NR5A2: variants seen among roughly 807,000 people sequenced by gnomAD.
The protein encoded by NR5A2 is nuclear receptor subfamily 5 group A member 2, also known as CYP7A promoter-binding factor.
NR5A2 carries 26 observed loss-of-function variants against 62.7 expected under a neutral mutation model. That is an observed-to-expected ratio of 0.41 (90% CI 0.30 to 0.58). NR5A2 has a LOEUF of 0.58. Ranked by LOEUF, NR5A2 falls within the 20% of genes least tolerant of loss-of-function variation. NR5A2 has a pLI of 0.22. For missense variants in NR5A2, 541 were observed against 669.1 expected (o/e 0.81, Z 2.11); for synonymous variants, 246 against 241.7 (o/e 1.02, Z -0.16).
At chr1:200,082,093 T>G (rs946824131) in intron 5 of NR5A2, among the ~76,000 whole-genome samples, 3 of 152,084 alleles carry the variant, frequency 2.0e-5, no homozygotes, top group Non-Finnish European at 4.4e-5. Context: ...CGTCCTCCCC[T>G]CCACACCAAC....
intron 7 of NR5A2, 85 bp from the exon 8 acceptor site, chr1:200,173,878 T>A (rs1266778865): frequency 2.3e-6 from 3 of 1,298,978 alleles, no homozygotes; most frequent in African/African-American, 3.0e-5. Flanking sequence ...GGAAAATACA[T>A]CCATTAATTG....
chr1:200,074,598 T>G (rs2821307), intron 5 of NR5A2, among the ~76,000 whole-genome samples: 78,312 of 150,476 alleles, frequency 0.52, 20,384 homozygotes, highest in African/African-American at 0.56. Flanking sequence ...TTAGCCAGGT[T>G]TGGTGGCGGG....
chr1:200,140,094 TTTAG>T (rs1367746900), intron 7 of NR5A2, among the ~76,000 whole-genome samples: 5 of 152,242 alleles, frequency 3.3e-5, no homozygotes, highest in East Asian at 3.8e-4. Context: ...TGATGTGATA[TTTAG>T]TTAATTTTAA....
At chr1:200,127,691 A>ATATATATATAT in intron 7 of NR5A2, among the ~76,000 whole-genome samples, 4 of 68,580 alleles carry the variant, frequency 5.8e-5, no homozygotes, top group Non-Finnish European at 1.3e-4. Context: ...AAAAAAAAAA[A>ATATATATATAT]AAAAAAAAAA....
intron 7 of NR5A2, among the ~76,000 whole-genome samples, chr1:200,159,819 A>AT (rs61146712): frequency 0.093 from 14,112 of 151,802 alleles, 738 homozygotes; most frequent in Non-Finnish European, 0.12. Context: ...CACCCGGCTA[A>AT]TTTTTGTATT....
intron 5 of NR5A2, among the ~76,000 whole-genome samples, chr1:200,102,476 G>A (rs760806896): frequency 1.3e-5 from 2 of 152,170 alleles, no homozygotes; most frequent in African/African-American, 2.4e-5. Flanking sequence ...TCTGCTGACA[G>A]CTATCATGTT....
At position 200,161,131 on chromosome 1, in the gene NR5A2, C is replaced by T. The variant is rs1005065803; in HGVS notation, c.1379-12832C>T. Among the ~76,000 whole-genome samples, 8 of 152,188 alleles carry T rather than the reference C, an allele frequency of 5.3e-5. No homozygotes were observed. In the East Asian group the frequency reaches 1.2e-3, roughly 22 times the overall value. On this transcript the variant is annotated intron_variant, in intron 7 of 7. Transcript: ENST00000367362. ...AGCCAAGGCAGCTGCAATTGTGTCT[C>T]AAGCTTGAAATTCTGCATGCTACCT...
At chr1:200,083,933 C>A (rs1017815416) in intron 5 of NR5A2, among the ~76,000 whole-genome samples, 11 of 150,252 alleles carry the variant, frequency 7.3e-5, no homozygotes, top group African/African-American at 2.4e-4. Flanking sequence ...CCATTGCATT[C>A]CAGCCTGGGC....
intron 5 of NR5A2, among the ~76,000 whole-genome samples, chr1:200,071,901 G>A (rs1329962185): frequency 3.3e-5 from 5 of 152,088 alleles, no homozygotes; most frequent in Non-Finnish European, 7.4e-5. Context: ...TAAAATAGAT[G>A]CACACAAACT....
chr1:200,097,474 T>C (rs1459991158), intron 5 of NR5A2, among the ~76,000 whole-genome samples: 2 of 152,232 alleles, frequency 1.3e-5, no homozygotes, highest in Non-Finnish European at 1.5e-5. Flanking sequence ...AAAAAGAAAT[T>C]CAATACTTTA....
chr1:200,139,637 G>A (rs1217103709), intron 7 of NR5A2, among the ~76,000 whole-genome samples: 9 of 152,008 alleles, frequency 5.9e-5, no homozygotes, highest in African/African-American at 9.7e-5. Context: ...TTCAGTTGAC[G>A]ATTTTATTCA....
intron 5 of NR5A2, among the ~76,000 whole-genome samples, chr1:200,059,044 A>C (rs781649549): frequency 1.3e-5 from 2 of 151,848 alleles, no homozygotes; most frequent in Non-Finnish European, 2.9e-5. Flanking sequence ...CAGGAGGCGG[A>C]GGTTGCAGTA....
chr1:200,092,127 A>G (rs1664846978), intron 5 of NR5A2, among the ~76,000 whole-genome samples: 1 of 151,854 alleles, frequency 6.6e-6, no homozygotes, highest in Non-Finnish European at 1.5e-5. Flanking sequence ...TGAAGCCATT[A>G]GTAGGGTTTC....
chr1:200,033,590 A>T (rs903487833), intron 1 of NR5A2, among the ~76,000 whole-genome samples: 1 of 152,180 alleles, frequency 6.6e-6, no homozygotes, highest in African/African-American at 2.4e-5. Context: ...AGGAATGGAA[A>T]GAAAATTGGT....
In NR5A2 at chr1:200,035,458, G is replaced by A. The variant is rs140195896; in HGVS notation, c.65-4200G>A. Reference sequence around the variant, plus strand: ...GCAGCCCGCACGGGTCAAGCGCGCGGGGGCTGACCAACACTTTCCAGGTCA... The same window carrying A: ...GCAGCCCGCACGGGTCAAGCGCGCGAGGGCTGACCAACACTTTCCAGGTCA... On this transcript the variant is annotated intron_variant, in intron 1 of 7. Transcript: ENST00000367362. Among the ~76,000 whole-genome samples the A allele has an allele frequency of 4.1e-3, 621 of 152,222 alleles. 7 individuals are homozygous for A. The highest frequency in any genetic ancestry group is 0.014 in the African/African-American group (589 of 41,540).
At chr1:200,163,485 TG>T (rs1024590422) in intron 7 of NR5A2, among the ~76,000 whole-genome samples, 26 of 150,408 alleles carry the variant, frequency 1.7e-4, no homozygotes, top group African/African-American at 6.1e-4. Flanking sequence ...TTTTGTTTAT[TG>T]TTTTTTTTTT....
intron 7 of NR5A2, among the ~76,000 whole-genome samples, chr1:200,131,398 T>A (rs1666965069): frequency 6.6e-6 from 1 of 152,272 alleles, no homozygotes; most frequent in African/African-American, 2.4e-5. Flanking sequence ...AAATAGCATT[T>A]ATTTAAGCAT....
At position 200,048,774 on chromosome 1, in the gene NR5A2, A is replaced by C. The variant is rs762348879; in HGVS notation, c.1066A>C (p.Ile356Leu). 1.2e-6 allele frequency: 2 copies of C among 1,614,172 alleles called. No individual in the cohort carries two copies. Among genetic ancestry groups the C allele is most frequent in the Non-Finnish European group, 1.7e-6 (2 of 1,180,042 alleles). Residue 356 changes from isoleucine to leucine, a missense_variant, in exon 5 of 8, where the codon ATT (isoleucine) becomes CTT (leucine). Ile to Leu is a conservative substitution (Grantham distance 5). Coordinates refer to ENST00000367362, the MANE Select transcript of NR5A2 (RefSeq NM_205860.3). The surrounding 1 kb of genome is among the most constrained non-coding windows in gnomAD (Gnocchi z 4.8). ...CKMADQTLFS[I>L]VEWARSSIFF... ...AATGGCAGATCAAACTCTCTTCTCC[A>C]TTGTCGAGTGGGCCAGGAGTAGTAT...
chr1:200,147,466 C>A lies in NR5A2; in HGVS notation c.1379-26497C>A, dbSNP rs1571556057. 1 of 589,628 alleles carries A rather than the reference C, an allele frequency of 1.7e-6. No individual in the cohort carries two copies. Among genetic ancestry groups the A allele is most frequent in the Non-Finnish European group, 3.3e-6 (1 of 306,380 alleles). The allele number at this position is 589,628 out of a possible 1,614,324, so 36.5% of individuals were successfully genotyped here. A position where few individuals can be genotyped will look rare whatever the true frequency, so the allele number is the denominator to read the frequency against. The stretch of plus-strand genomic sequence containing the variant: ...TGCCTCCTCCAGTACACGGAGAGCT[C>A]TTTGAGGCAAGGGACAATTTGATCT... On this transcript the variant is annotated intron_variant, in intron 7 of 7. Coordinates refer to ENST00000367362, the MANE Select transcript of NR5A2 (RefSeq NM_205860.3). This position sits in a 1 kb window ranked among gnomAD's most constrained non-coding sequence, Gnocchi z 4.9.
Sources: allele counts gnomAD v4.1 joint callset (sites outside exome capture counted in the v4.1 genomes callset), GRCh38; gene constraint gnomAD v4.1.1; non-coding constraint Gnocchi (gnomAD v3.1); transcripts MANE v1.5; gene names NCBI Gene and HGNC (gene_info 2026-07-23, HGNC 2026-07-21).